Variants in DHTKD1 observed in about 807,000 individuals in gnomAD.
DHTKD1 encodes 2-oxoadipate dehydrogenase complex component E1.
In DHTKD1, 78 loss-of-function variants were observed where a neutral mutation model predicts 101.8. The ratio of observed to expected loss-of-function variants is 0.77; its 90% CI spans 0.64 to 0.93. The LOEUF (loss-of-function observed/expected upper bound fraction) is 0.93. Ranked by LOEUF, DHTKD1 falls within the 40% of genes least tolerant of loss-of-function variation. DHTKD1 has a pLI of 0.00. For missense variants in DHTKD1, 1,223 were observed against 1,161.7 expected (o/e 1.05, Z -0.77); for synonymous variants, 462 against 450.3 (o/e 1.03, Z -0.33).
intron 14 of DHTKD1, among the ~76,000 whole-genome samples, chr10:12,118,521 T>A (rs1833457607): frequency 6.6e-6 from 1 of 151,972 alleles, no homozygotes; most frequent in South Asian, 2.1e-4. Flanking sequence ...TAGCTGGGAC[T>A]ACAGGTGCCC....
intron 8 of DHTKD1, 22 bp downstream of exon 8, chr10:12,098,018 G>A: frequency 1.3e-6 from 2 of 1,578,294 alleles, no homozygotes; most frequent in South Asian, 2.3e-5. Flanking sequence ...CCAAATGGCT[G>A]GTTATTGCTT....
chr10:12,120,126 T>C, intron 15 of DHTKD1, 56 bp from the exon 16 acceptor site: 1 of 1,353,120 alleles, frequency 7.4e-7, no homozygotes, highest in East Asian at 2.3e-5. Context: ...CATAGTAAAT[T>C]GGGGACCGTC....
At chr10:12,106,487 G>A (rs974155271) in intron 11 of DHTKD1, 91 bp downstream of exon 11, 73 of 1,513,870 alleles carry the variant, frequency 4.8e-5, no homozygotes, top group Non-Finnish European at 6.3e-5. Flanking sequence ...GGCCACTGCT[G>A]CCTTGAGACT....
At chr10:12,093,816 T>C (rs921042581) in intron 6 of DHTKD1, among the ~76,000 whole-genome samples, 14 of 152,198 alleles carry the variant, frequency 9.2e-5, no homozygotes, top group African/African-American at 3.1e-4. Context: ...CATCGAACCT[T>C]TGCAACATCA....
chr10:12,102,472 G>A (rs1007706959), intron 10 of DHTKD1, among the ~76,000 whole-genome samples: 1 of 150,230 alleles, frequency 6.7e-6, no homozygotes, highest in Non-Finnish European at 1.5e-5. Context: ...CCACATTTTA[G>A]GAAGATAACT....
chr10:12,093,807 A>C (rs1219082306), intron 6 of DHTKD1, among the ~76,000 whole-genome samples: 1 of 152,196 alleles, frequency 6.6e-6, no homozygotes, highest in African/African-American at 2.4e-5. Flanking sequence ...GCATTCACTC[A>C]TCGAACCTTT....
intron 7 of DHTKD1, 67 bp downstream of exon 7, chr10:12,094,338 G>C (rs1193550209): frequency 1.4e-6 from 2 of 1,422,874 alleles, no homozygotes; most frequent in Non-Finnish European, 2.0e-6. Flanking sequence ...ATTCTTTTGA[G>C]ATGGAGTCTT....
rs919130135 is a variant in DHTKD1, at chr10:12,120,192, G to A, written c.2583G>A (p.Trp861Ter). 13 of 1,613,546 alleles carry A rather than the reference G, an allele frequency of 8.1e-6. No individual in the cohort carries two copies. The African/African-American group carries it at 1.6e-4, about 20-fold the overall frequency. ...TTTCTTCTCTCATAGATCATATTTG[G>A]AGTCAGGAGGAACCTCAGAACATGG... is the stretch of plus-strand genomic sequence containing the variant. Reference protein sequence around the residue: ...SKYKHVKDHIWSQEEPQNMGP... With the variant: ...SKYKHVKDHI Residue 861 changes from tryptophan (W) to a stop codon, truncating the protein, a stop_gained, in exon 16 of 17, where the codon TGG becomes TGA. Transcript: ENST00000263035. LOFTEE classifies it high-confidence loss of function.
At chr10:12,084,499 T>C (rs1044661089) in intron 2 of DHTKD1, 41 bp from the exon 3 acceptor site, 1 of 1,269,926 alleles carries the variant, frequency 7.9e-7, no homozygotes, top group African/African-American at 1.5e-5. Flanking sequence ...TTAAGGAACA[T>C]GATTATTTTT....
Position 12,081,457 on chromosome 10 carries a change from T to A in DHTKD1, c.155-15T>A. 6.2e-7 allele frequency: 1 copy of A among 1,613,138 alleles called. No homozygotes were observed. Among genetic ancestry groups the A allele is most frequent in the Non-Finnish European group, 8.5e-7 (1 of 1,179,190 alleles). On this transcript the variant is annotated splice_polypyrimidine_tract_variant and intron_variant, in intron 1 of 16. Transcript: ENST00000263035. ...TCCTAAACTGTTTGCATTTTTAAATTTTCCCCTGATTTAGTTGATCATGGC... is the reference window on the plus strand; with the variant it reads ...TCCTAAACTGTTTGCATTTTTAAATATTCCCCTGATTTAGTTGATCATGGC...
In DHTKD1 at chr10:12,119,034, C is replaced by T. The variant is rs143792008; in HGVS notation, c.2572+116C>T. On this transcript the variant is annotated intron_variant, in intron 15 of 16. Coordinates refer to ENST00000263035, the MANE Select transcript of DHTKD1 (RefSeq NM_018706.7). ...AGAAAATTGAATCTTGGGCCGGGCGCGGTGGCTCACACCTGTAATCCTGGC... is the reference window on the plus strand; with the variant it reads ...AGAAAATTGAATCTTGGGCCGGGCGTGGTGGCTCACACCTGTAATCCTGGC... 5.4e-3 allele frequency: 5,494 copies of T among 1,012,922 alleles called. 29 individuals carry two copies. Among genetic ancestry groups the T allele is most frequent in the African/African-American group, 0.013 (761 of 60,006 alleles). The allele number at this position is 1,012,922 out of a possible 1,614,324, so 62.7% of individuals were successfully genotyped here.
At chr10:12,116,603 C>G (rs760503046) in intron 13 of DHTKD1, among the ~76,000 whole-genome samples, 2 of 151,888 alleles carry the variant, frequency 1.3e-5, no homozygotes, top group African/African-American at 2.4e-5. Flanking sequence ...GTTGGCCAGG[C>G]TGGTCTTGAA....
chr10:12,120,915 C>T lies in DHTKD1; in HGVS notation c.*27C>T, dbSNP rs532551107. ...GATGACTTTTGAAGAAACACTATTT[C>T]TCTTTAAGAAAATGGCCATTAAGGC... On this transcript the variant is annotated 3_prime_UTR_variant, in exon 17 of 17. Coordinates refer to ENST00000263035, the MANE Select transcript of DHTKD1 (RefSeq NM_018706.7). 652 of 1,607,538 alleles carry T rather than the reference C, an allele frequency of 4.1e-4. 5 individuals carry two copies. In the South Asian group the frequency reaches 6.9e-3, roughly 17 times the overall value.
chr10:12,120,286 T>C lies in DHTKD1; in HGVS notation c.2658+19T>C, dbSNP rs1833504357. Reference sequence around the variant, plus strand: ...CTGCAAGGTAATCACACGTTTTCTCTGGTAGTGTTTTGTGTTTTGTGTGCA... The same window carrying C: ...CTGCAAGGTAATCACACGTTTTCTCCGGTAGTGTTTTGTGTTTTGTGTGCA... On this transcript the variant is annotated intron_variant, in intron 16 of 16. Coordinates refer to ENST00000263035, the MANE Select transcript of DHTKD1 (RefSeq NM_018706.7). The C allele has an allele frequency of 1.9e-6, 3 of 1,600,816 alleles. No individual in the cohort carries two copies. The highest frequency in any genetic ancestry group is 1.7e-6 in the Non-Finnish European group (2 of 1,169,284).
At chr10:12,095,829 A>G (rs866984925) in intron 7 of DHTKD1, among the ~76,000 whole-genome samples, 32 of 90,548 alleles carry the variant, frequency 3.5e-4, no homozygotes, top group African/African-American at 1.1e-3. Flanking sequence ...AAAAAAAAAA[A>G]AAAAGAAAAG....
Position 12,084,650 on chromosome 10 carries a change from G to A in DHTKD1, c.421G>A (p.Asp141Asn). Residue 141 changes from aspartate (D) to asparagine (N), a missense_variant, in exon 3 of 17, where the codon GAT (aspartate) becomes AAT (asparagine). Coordinates refer to ENST00000263035, the MANE Select transcript of DHTKD1 (RefSeq NM_018706.7). Reference protein sequence around the residue: ...SIETSQLQSQDEKDWFAKRFE... With the variant: ...SIETSQLQSQNEKDWFAKRFE... ...TGAAACCTCCCAACTTCAGAGCCAG[G>A]ATGAGAAAGACTGGTTTGCCAAGCG... 6.2e-7 allele frequency: 1 copy of A among 1,614,122 alleles called. No homozygotes were observed. Among genetic ancestry groups the A allele is most frequent in the Non-Finnish European group, 8.5e-7 (1 of 1,180,004 alleles).
At chr10:12,117,530 A>G in intron 13 of DHTKD1, 143 bp from the exon 14 acceptor site, 1 of 640,642 alleles carries the variant, frequency 1.6e-6, no homozygotes, top group Non-Finnish European at 2.8e-6. Flanking sequence ...ATTTTTTGGC[A>G]AGGCATTGCG....
chr10:12,086,410 G>T (rs1256561276), intron 3 of DHTKD1, among the ~76,000 whole-genome samples: 1 of 150,986 alleles, frequency 6.6e-6, no homozygotes, highest in Non-Finnish European at 1.5e-5. Flanking sequence ...TTAGTAGAAC[G>T]GGGTTTCACT....
intron 2 of DHTKD1, 24 bp downstream of exon 2, chr10:12,081,651 G>A (rs767227256): frequency 2.5e-5 from 41 of 1,613,446 alleles, no homozygotes; most frequent in Non-Finnish European, 3.3e-5. Context: ...ACAGCAGGCG[G>A]GAGCTCGGAG....
Sources: allele counts gnomAD v4.1 joint callset (sites outside exome capture counted in the v4.1 genomes callset), GRCh38; gene constraint gnomAD v4.1.1; transcripts MANE v1.5; gene names NCBI Gene and HGNC (gene_info 2026-07-23, HGNC 2026-07-21).